GPC5: variants seen among roughly 807,000 people sequenced by gnomAD.
GPC5 encodes the protein glypican-5.
A neutral mutation model predicts 53.9 loss-of-function variants in GPC5; 47 were observed. The observed-to-expected ratio is 0.87, with a 90% CI of 0.69 to 1.11. The LOEUF is 1.11. GPC5 is among the 50% of genes most tolerant of loss of function. GPC5 has a pLI of 0.00. For missense variants in GPC5, 748 were observed against 713.1 expected (o/e 1.05, Z -0.56); for synonymous variants, 286 against 263.3 (o/e 1.09, Z -0.84).
chr13:92,201,787 G>T (rs9516020), intron 7 of GPC5, among the ~76,000 whole-genome samples: 90,958 of 151,978 alleles, frequency 0.6, 27,936 homozygotes, highest in Middle Eastern at 0.74. Flanking sequence ...TATTAAGATA[G>T]CATGTGAAAC....
intron 7 of GPC5, among the ~76,000 whole-genome samples, chr13:92,707,455 G>A (rs555595898): frequency 7.2e-5 from 11 of 151,944 alleles, no homozygotes; most frequent in South Asian, 2.1e-4. Context: ...TGTTTCCAAC[G>A]GCCCTTGACT....
chr13:92,100,253 A>G (rs1315567683), intron 6 of GPC5, among the ~76,000 whole-genome samples: 2 of 152,092 alleles, frequency 1.3e-5, no homozygotes, highest in Non-Finnish European at 1.5e-5. Context: ...AAATACAAAA[A>G]TTAGCCAGGC....
chr13:91,903,094 A>G (rs2039515749), intron 5 of GPC5, among the ~76,000 whole-genome samples: 1 of 151,720 alleles, frequency 6.6e-6, no homozygotes, highest in African/African-American at 2.4e-5. Context: ...GAAACTTGAT[A>G]TTATTTCTTC....
intron 5 of GPC5, among the ~76,000 whole-genome samples, chr13:91,833,125 A>T (rs571748802): frequency 6.6e-6 from 1 of 152,318 alleles, no homozygotes; most frequent in East Asian, 1.9e-4. Context: ...CCTCTACACA[A>T]ATAAACTAGA....
intron 6 of GPC5, among the ~76,000 whole-genome samples, chr13:91,943,367 C>A (rs1436617004): frequency 3.3e-5 from 5 of 151,038 alleles, no homozygotes; most frequent in African/African-American, 7.3e-5. Context: ...TTTTAACTGA[C>A]CATCTATGAA....
chr13:92,159,593 CTTTTT>C (rs71120074), intron 7 of GPC5, among the ~76,000 whole-genome samples: 41 of 57,210 alleles, frequency 7.2e-4, no homozygotes, highest in African/African-American at 2.5e-3. Flanking sequence ...TACCAATGTT[CTTTTT>C]TTTTTTTTTT....
intron 7 of GPC5, among the ~76,000 whole-genome samples, chr13:92,311,486 C>T (rs918390668): frequency 6.6e-6 from 1 of 152,168 alleles, no homozygotes; most frequent in Admixed American, 6.6e-5. Context: ...TCAGTTCTTA[C>T]TCTGCTAATA....
intron 7 of GPC5, among the ~76,000 whole-genome samples, chr13:92,823,852 C>T (rs1028944849): frequency 6.6e-6 from 1 of 152,070 alleles, no homozygotes; most frequent in African/African-American, 2.4e-5. Flanking sequence ...TTCTTTCCCC[C>T]AATTCCATTA....
At chr13:92,866,104 C>T (rs527241560) in intron 7 of GPC5, among the ~76,000 whole-genome samples, 178 bp from the exon 8 acceptor site, 3 of 152,286 alleles carry the variant, frequency 2.0e-5, no homozygotes, top group African/African-American at 7.2e-5. Context: ...AGAGCTTGAA[C>T]TCTCCAATCT....
intron 2 of GPC5, among the ~76,000 whole-genome samples, chr13:91,502,363 G>T (rs1014943688): frequency 6.6e-6 from 1 of 151,006 alleles, no homozygotes; most frequent in South Asian, 2.1e-4. Context: ...TTCTTCTAGG[G>T]TTTTTATGGT....
intron 2 of GPC5, among the ~76,000 whole-genome samples, chr13:91,583,894 A>G (rs1200576256): frequency 6.6e-6 from 1 of 152,188 alleles, no homozygotes; most frequent in Admixed American, 6.5e-5. Flanking sequence ...TATATTATTT[A>G]TGTCATCTTA....
At chr13:92,424,467 T>C (rs541115025) in intron 7 of GPC5, among the ~76,000 whole-genome samples, 339 of 152,154 alleles carry the variant, frequency 2.2e-3, no homozygotes, top group African/African-American at 7.8e-3. Context: ...TTAAGTATTC[T>C]CCTCTTTATT....
At chr13:92,055,308 T>A (rs938815840) in intron 6 of GPC5, among the ~76,000 whole-genome samples, 1 of 152,174 alleles carries the variant, frequency 6.6e-6, no homozygotes, top group African/African-American at 2.4e-5. Flanking sequence ...AGATTTGAAA[T>A]GAGCTCTAGT....
intron 7 of GPC5, among the ~76,000 whole-genome samples, chr13:92,618,423 G>A (rs1273325328): frequency 6.6e-6 from 1 of 151,986 alleles, no homozygotes; most frequent in Admixed American, 6.6e-5. Context: ...TACTACAGAA[G>A]ATTACAAAGT....
chr13:92,196,735 G>A (rs374601276), intron 7 of GPC5, among the ~76,000 whole-genome samples: 8 of 152,016 alleles, frequency 5.3e-5, no homozygotes, highest in South Asian at 4.1e-4. Flanking sequence ...TTTTCTCTTC[G>A]TATCCATGTC....
intron 1 of GPC5, among the ~76,000 whole-genome samples, chr13:91,443,879 A>C (rs1343027190): frequency 6.6e-6 from 1 of 152,164 alleles, no homozygotes; most frequent in East Asian, 1.9e-4. Context: ...GTTTTTCCAC[A>C]CTAAAGATCC....
chr13:92,801,709 A>G (rs1876915837), intron 7 of GPC5, among the ~76,000 whole-genome samples: 1 of 151,770 alleles, frequency 6.6e-6, no homozygotes, highest in African/African-American at 2.4e-5. Context: ...GATTTTGTCT[A>G]GGTCTAGGCT....
chr13:92,177,537 A>G (rs2042117178), intron 7 of GPC5, among the ~76,000 whole-genome samples: 1 of 152,142 alleles, frequency 6.6e-6, no homozygotes, highest in Admixed American at 6.5e-5. Context: ...GCTCTTTTAT[A>G]TTCTAATAAC....
At chr13:92,588,908 T>C (rs1466458832) in intron 7 of GPC5, among the ~76,000 whole-genome samples, 9 of 152,210 alleles carry the variant, frequency 5.9e-5, no homozygotes, top group Non-Finnish European at 1.0e-4. Context: ...AGTCATTTTA[T>C]GTAGAAGTCT....
Sources: allele counts gnomAD v4.1 joint callset (sites outside exome capture counted in the v4.1 genomes callset), GRCh38; gene constraint gnomAD v4.1.1; transcripts MANE v1.5; gene names NCBI Gene and HGNC (gene_info 2026-07-23, HGNC 2026-07-21).